ARHGEF10: variants seen among roughly 807,000 people sequenced by gnomAD.
The protein encoded by ARHGEF10 is Rho guanine nucleotide exchange factor (GEF) 10.
In ARHGEF10, 140 loss-of-function variants were observed where a neutral mutation model predicts 147.4. The observed-to-expected ratio is 0.95, with a 90% CI of 0.83 to 1.09. The LOEUF (loss-of-function observed/expected upper bound fraction) is 1.09, where lower values mean the gene tolerates loss of function less well. Ranked by LOEUF, ARHGEF10 falls within the 50% of genes least tolerant of loss-of-function variation. ARHGEF10 has a pLI of 0.00. For synonymous variants in ARHGEF10, 902 were observed against 695.8 expected (o/e 1.30, Z -4.67); for missense variants, 2,222 against 1,752.7 (o/e 1.27, Z -4.78).
At chr8:1,872,367 A>G (rs938216839) in intron 7 of ARHGEF10, among the ~76,000 whole-genome samples, 1 of 152,194 alleles carries the variant, frequency 6.6e-6, no homozygotes, top group African/African-American at 2.4e-5. Context: ...AGTCGCATGC[A>G]CTGTTCCAGT....
chr8:1,830,688 G>C (rs958962975), intron 1 of ARHGEF10, among the ~76,000 whole-genome samples: 62 of 152,204 alleles, frequency 4.1e-4, no homozygotes, highest in Non-Finnish European at 1.5e-4. Flanking sequence ...TGGCACCCTT[G>C]TCTTCAGGAA....
chr8:1,882,196 G>A (rs765406230), intron 9 of ARHGEF10, among the ~76,000 whole-genome samples: 1 of 152,226 alleles, frequency 6.6e-6, no homozygotes. Flanking sequence ...CGTGTGAGGC[G>A]GCCCTGTCAA....
intron 2 of ARHGEF10, 45 bp downstream of exon 2, chr8:1,843,481 T>A: frequency 6.8e-7 from 1 of 1,463,056 alleles, no homozygotes. Context: ...GTTGTGCTGC[T>A]GCTCTCATCA....
At chr8:1,953,479 GCCTTTCTGGACACAGT>G (rs1221493109) in intron 28 of ARHGEF10, among the ~76,000 whole-genome samples, 2 of 152,274 alleles carry the variant, frequency 1.3e-5, no homozygotes, top group African/African-American at 4.8e-5. Context: ...GGAACACATG[GCCTTTCTGGACACAGT>G]CCCGTTAGGG....
At chr8:1,929,169 A>G (rs1791680656) in intron 24 of ARHGEF10, 117 bp from the exon 25 acceptor site, 2 of 1,138,374 alleles carry the variant, frequency 1.8e-6, no homozygotes, top group African/African-American at 1.5e-5. Context: ...TGTCCCTAGG[A>G]ATGGAGAAGG....
At chr8:1,877,056 G>A (rs1431259509) in intron 8 of ARHGEF10, among the ~76,000 whole-genome samples, 8 of 152,314 alleles carry the variant, frequency 5.3e-5, no homozygotes, top group Middle Eastern at 3.4e-3. Flanking sequence ...ACGTAGCACC[G>A]TTTGCGGAAC....
At chr8:1,891,733 C>T (rs894993236) in intron 11 of ARHGEF10, among the ~76,000 whole-genome samples, 3 of 152,236 alleles carry the variant, frequency 2.0e-5, no homozygotes, top group African/African-American at 7.2e-5. Flanking sequence ...GAGTGACACT[C>T]TTCCTGAGCA....
intron 18 of ARHGEF10, among the ~76,000 whole-genome samples, chr8:1,914,612 C>T (rs1232990322): frequency 2.0e-5 from 3 of 152,186 alleles, no homozygotes; most frequent in East Asian, 1.9e-4. Flanking sequence ...GCAAAGCTGT[C>T]GTGTTTTGAA....
intron 28 of ARHGEF10, among the ~76,000 whole-genome samples, chr8:1,954,274 A>G (rs955437932): frequency 3.3e-5 from 5 of 151,944 alleles, no homozygotes; most frequent in African/African-American, 1.2e-4. Context: ...TTGTATTTTT[A>G]GTAGAGGTGG....
rs1394458991 is a variant in ARHGEF10 at position 1,824,091 on chromosome 8, C to A, written c.-70C>A. On this transcript the variant is annotated 5_prime_UTR_variant, in exon 1 of 29. Transcript: ENST00000349830. ...GACGGCGGGGAACAGCAGGGGACTG[C>A]GGGTCGCGTCCTGGCCGCCGAGGTG... The A allele has an allele frequency of 1.3e-5, 2 of 151,898 alleles. No individual in the cohort carries two copies. The highest frequency in any genetic ancestry group is 2.4e-5 in the African/African-American group (1 of 41,314). The allele number at this position is 151,898 out of a possible 1,614,324, so 9.4% of individuals were successfully genotyped here.
At chr8:1,885,394 A>C (rs1808569390) in intron 10 of ARHGEF10, among the ~76,000 whole-genome samples, 1 of 152,228 alleles carries the variant, frequency 6.6e-6, no homozygotes. Context: ...GAAAATTTTA[A>C]ATACAGACAA....
At chr8:1,901,194 A>G (rs184425176) in intron 15 of ARHGEF10, among the ~76,000 whole-genome samples, 3 of 152,236 alleles carry the variant, frequency 2.0e-5, no homozygotes, top group Admixed American at 2.0e-4. Flanking sequence ...GCAGAGAGTC[A>G]GCAGGTACAA....
chr8:1,934,003 A>G (rs1813365745), intron 26 of ARHGEF10, 61 bp downstream of exon 26: 4 of 1,609,558 alleles, frequency 2.5e-6, no homozygotes, highest in African/African-American at 2.7e-5. Context: ...AGCTCAGCTG[A>G]CTTCTGGTGC....
intron 2 of ARHGEF10, among the ~76,000 whole-genome samples, chr8:1,857,697 T>C (rs1381216200): frequency 5.8e-5 from 8 of 136,788 alleles, no homozygotes; most frequent in Non-Finnish European, 4.6e-5. Flanking sequence ...GGATTACAGA[T>C]GTGAGCTACC....
chr8:1,905,451 T>C, intron 16 of ARHGEF10, 120 bp from the exon 17 acceptor site: 1 of 1,282,434 alleles, frequency 7.8e-7, no homozygotes, highest in Non-Finnish European at 1.1e-6. Context: ...ATAGGAACGA[T>C]TTCCGTAAAG....
chr8:1,939,457 T>G (rs1325538905), intron 26 of ARHGEF10, among the ~76,000 whole-genome samples: 1 of 152,154 alleles, frequency 6.6e-6, no homozygotes, highest in Non-Finnish European at 1.5e-5. Flanking sequence ...GTGGGAGTTT[T>G]GGGGGCAACA....
intron 11 of ARHGEF10, among the ~76,000 whole-genome samples, chr8:1,888,396 A>G (rs1202866776): frequency 1.6e-5 from 2 of 128,834 alleles, no homozygotes; most frequent in African/African-American, 6.2e-5. Context: ...TTTTGAGGAG[A>G]CAGTGGGGTG....
At chr8:1,952,187 C>T (rs1563334142) in intron 27 of ARHGEF10, among the ~76,000 whole-genome samples, 2 of 152,330 alleles carry the variant, frequency 1.3e-5, no homozygotes. Flanking sequence ...TTGTTCTTCA[C>T]GCAGAGCCCT....
At chr8:1,857,882 CTA>C in intron 2 of ARHGEF10, 76 bp from the exon 3 acceptor site, 1 of 606,206 alleles carries the variant, frequency 1.6e-6, no homozygotes, top group Non-Finnish European at 2.6e-6. Flanking sequence ...ATCGATCGAT[CTA>C]TCTATCTATC....
Sources: gnomAD v4.1 joint callset for allele counts (sites outside exome capture counted in the v4.1 genomes callset) on GRCh38, gnomAD v4.1.1 for gene constraint, MANE v1.5 for transcripts, NCBI Gene and HGNC (gene_info 2026-07-23, HGNC 2026-07-21) for gene names.